The following SLC24A2 variants were observed in gnomAD, a reference collection of about 807,000 sequenced individuals.
SLC24A2 encodes solute carrier family 24 member 2.
SLC24A2 carries 36 observed loss-of-function variants against 62.0 expected under a neutral mutation model. That is an observed-to-expected ratio of 0.58 (90% CI 0.44 to 0.77). The LOEUF (loss-of-function observed/expected upper bound fraction) is 0.77. SLC24A2 is among the 30% of genes least tolerant of loss of function. The pLI, the probability that SLC24A2 is intolerant of heterozygous loss-of-function variation, is 0.00. For synonymous variants in SLC24A2, 358 were observed against 294.0 expected (o/e 1.22, Z -2.23); for missense variants, 846 against 817.9 (o/e 1.03, Z -0.42).
chr9:20,005,488 C>A, the SLC24A2 span, among the ~76,000 whole-genome samples: 3 of 152,070 alleles, frequency 2.0e-5, no homozygotes, highest in African/African-American at 7.2e-5. Context: ...AGGAAATACA[C>A]AATAAGATTA....
chr9:19,762,967 C>T (rs1822388608), intron 2 of SLC24A2, among the ~76,000 whole-genome samples: 1 of 151,796 alleles, frequency 6.6e-6, no homozygotes, highest in Non-Finnish European at 1.5e-5. Context: ...AATGTTTTTC[C>T]CATTTGTTTG....
the SLC24A2 span, among the ~76,000 whole-genome samples, chr9:19,965,571 G>C: frequency 1.3e-5 from 2 of 152,202 alleles, no homozygotes; most frequent in African/African-American, 2.4e-5. Flanking sequence ...TATGGCTGTA[G>C]TTTTAACCAC....
chr9:19,961,811 G>C, the SLC24A2 span, among the ~76,000 whole-genome samples: 1 of 152,142 alleles, frequency 6.6e-6, no homozygotes, highest in Non-Finnish European at 1.5e-5. Context: ...CAGCGCCATG[G>C]GAAGCCCATG....
At chr9:20,208,584 C>G in the SLC24A2 span, among the ~76,000 whole-genome samples, 54 of 152,316 alleles carry the variant, frequency 3.5e-4, 1 homozygote, top group African/African-American at 1.2e-3. Flanking sequence ...ATGTTTCACC[C>G]AGCATACACA....
chr9:19,567,954 G>C (rs1292380806), intron 7 of SLC24A2, among the ~76,000 whole-genome samples: 2 of 152,166 alleles, frequency 1.3e-5, no homozygotes, highest in African/African-American at 4.8e-5. Flanking sequence ...CGGAGATGAG[G>C]TGACAATGTG....
the SLC24A2 span, among the ~76,000 whole-genome samples, chr9:20,305,668 A>G: frequency 3.9e-5 from 6 of 152,202 alleles, no homozygotes; most frequent in Non-Finnish European, 8.8e-5. Flanking sequence ...ATTTGAGCAT[A>G]TAACTCTGCG....
At chr9:20,028,432 A>AT in the SLC24A2 span, among the ~76,000 whole-genome samples, 1 of 152,024 alleles carries the variant, frequency 6.6e-6, no homozygotes, top group African/African-American at 2.4e-5. Flanking sequence ...CAGGCTATTT[A>AT]TTTTTTGCTC....
chr9:20,121,278 C>T, the SLC24A2 span, among the ~76,000 whole-genome samples: 2 of 151,546 alleles, frequency 1.3e-5, no homozygotes, highest in Non-Finnish European at 2.9e-5. Flanking sequence ...TTTACCTAGG[C>T]CTTCTTTATT....
At chr9:20,305,135 A>AGT in the SLC24A2 span, among the ~76,000 whole-genome samples, 1 of 135,658 alleles carries the variant, frequency 7.4e-6, no homozygotes, top group Non-Finnish European at 1.6e-5. Flanking sequence ...TTTGAGATGG[A>AGT]GTCTTGCTCT....
the SLC24A2 span, among the ~76,000 whole-genome samples, chr9:20,067,386 C>T: frequency 1.6e-4 from 24 of 152,218 alleles, no homozygotes; most frequent in Non-Finnish European, 3.2e-4. Context: ...ACCATATCCT[C>T]CTGTGTTATT....
intron 10 of SLC24A2, among the ~76,000 whole-genome samples, chr9:19,519,553 CT>C (rs142855577): frequency 1.9e-3 from 292 of 152,234 alleles, no homozygotes; most frequent in African/African-American, 6.5e-3. Context: ...AAACATACAC[CT>C]TTTAAGGCAT....
chr9:20,112,365 T>C, the SLC24A2 span, among the ~76,000 whole-genome samples: 2 of 152,304 alleles, frequency 1.3e-5, no homozygotes, highest in South Asian at 2.1e-4. Flanking sequence ...ACTTCACACA[T>C]TATTCAAAGG....
chr9:19,933,832 C>G, the SLC24A2 span, among the ~76,000 whole-genome samples: 10 of 152,108 alleles, frequency 6.6e-5, no homozygotes, highest in African/African-American at 2.4e-4. Flanking sequence ...TGGGAATAAC[C>G]TGAAAACTTT....
intron 8 of SLC24A2, among the ~76,000 whole-genome samples, chr9:19,545,071 G>C (rs201309602): frequency 1.3e-5 from 2 of 152,040 alleles, no homozygotes; most frequent in Non-Finnish European, 2.9e-5. Context: ...ACCAATCAGA[G>C]GTGGATTTGA....
chr9:20,084,036 T>A, the SLC24A2 span, among the ~76,000 whole-genome samples: 1 of 152,232 alleles, frequency 6.6e-6, no homozygotes, highest in Non-Finnish European at 1.5e-5. Flanking sequence ...AGAGCTTGCT[T>A]GCTTGCCTCC....
At chr9:19,715,133 C>T (rs1333013025) in intron 2 of SLC24A2, among the ~76,000 whole-genome samples, 2 of 152,108 alleles carry the variant, frequency 1.3e-5, no homozygotes, top group Non-Finnish European at 2.9e-5. Context: ...TGCCAGACTA[C>T]ATTGTTTTTG....
the SLC24A2 span, among the ~76,000 whole-genome samples, chr9:20,034,210 G>C: frequency 6.6e-6 from 1 of 152,100 alleles, no homozygotes; most frequent in East Asian, 1.9e-4. Context: ...TTTCAACCTG[G>C]ATAAAATATT....
rs138458571 is a variant in SLC24A2, at chr9:19,610,054, G to A, written c.1078+9530C>T. ...ACCAGTCCATGGCCTGGGGGTTGGG[G>A]ACCCCTGCTTTAGTTCGATTACAGG... On this transcript the variant is annotated intron_variant, in intron 4 of 10. Transcript: ENST00000341998. Among the ~76,000 whole-genome samples the A allele has an allele frequency of 5.3e-3, 802 of 152,262 alleles. 9 individuals carry two copies. The highest frequency in any genetic ancestry group is 0.019 in the African/African-American group (770 of 41,544).
rs1292755099 is a variant in SLC24A2 at position 19,510,815 on chromosome 9, A to T, written c.*5338T>A. On this transcript the variant is annotated 3_prime_UTR_variant, in exon 11 of 11. Transcript: ENST00000341998. Reference sequence around the variant, plus strand: ...ACTGTTCGTACGCTAATTTGAAAACAGTTGCCTAGCCTGTCGTAATTGCAG... The same window carrying T: ...ACTGTTCGTACGCTAATTTGAAAACTGTTGCCTAGCCTGTCGTAATTGCAG... 6.6e-6 allele frequency: 1 copy of T among 152,258 alleles called. No homozygotes were observed. The highest frequency in any genetic ancestry group is 1.5e-5 in the Non-Finnish European group (1 of 68,062). The allele number at this position is 152,258 out of a possible 1,614,324, so 9.4% of individuals were successfully genotyped here.
Sources: gnomAD v4.1 joint callset for allele counts (sites outside exome capture counted in the v4.1 genomes callset) on GRCh38, gnomAD v4.1.1 for gene constraint, MANE v1.5 for transcripts, NCBI Gene and HGNC (gene_info 2026-07-23, HGNC 2026-07-21) for gene names.